NDUFA12: variants seen among roughly 807,000 people sequenced by gnomAD.
NDUFA12 encodes NADH dehydrogenase [ubiquinone] 1 alpha subcomplex subunit 12.
A neutral mutation model predicts 20.3 loss-of-function variants in NDUFA12; 17 were observed. The ratio of observed to expected loss-of-function variants is 0.84; its 90% CI spans 0.57 to 1.26. The LOEUF (loss-of-function observed/expected upper bound fraction) is 1.26. Among genes scored for constraint, NDUFA12 ranks in the 50% most tolerant of loss-of-function variants. The pLI, the probability that NDUFA12 is intolerant of heterozygous loss-of-function variation, is 0.00. For synonymous variants in NDUFA12, 72 were observed against 63.6 expected (o/e 1.13, Z -0.63); for missense variants, 191 against 183.7 (o/e 1.04, Z -0.23).
chr12:94,977,891 G>A (rs1760575082), intron 3 of NDUFA12, among the ~76,000 whole-genome samples: 1 of 152,200 alleles, frequency 6.6e-6, no homozygotes, highest in African/African-American at 2.4e-5. Flanking sequence ...TATGGAGTAT[G>A]AGAGGGAACA....
At chr12:94,987,655 G>T (rs928318071) in intron 3 of NDUFA12, among the ~76,000 whole-genome samples, 1 of 151,868 alleles carries the variant, frequency 6.6e-6, no homozygotes, top group Non-Finnish European at 1.5e-5. Context: ...ACAAAAATTC[G>T]CCAGGTGTAG....
intron 3 of NDUFA12, among the ~76,000 whole-genome samples, chr12:94,981,633 C>T (rs1874242948): frequency 6.6e-6 from 1 of 152,042 alleles, no homozygotes; most frequent in Admixed American, 6.6e-5. Flanking sequence ...AGTATTAGTA[C>T]TAGTATTCAT....
chr12:94,974,616 G>A (rs1268634401), intron 3 of NDUFA12, among the ~76,000 whole-genome samples: 1 of 152,150 alleles, frequency 6.6e-6, no homozygotes, highest in African/African-American at 2.4e-5. Context: ...ACAGATGAAT[G>A]AGTAAAGAAA....
At chr12:94,984,855 G>C (rs1874365539) in intron 3 of NDUFA12, among the ~76,000 whole-genome samples, 1 of 151,166 alleles carries the variant, frequency 6.6e-6, no homozygotes, top group Non-Finnish European at 1.5e-5. Flanking sequence ...GCGCACGCCT[G>C]TAATCCCAGC....
intron 3 of NDUFA12, among the ~76,000 whole-genome samples, chr12:94,987,629 C>A (rs183393259): frequency 6.6e-6 from 1 of 151,752 alleles, no homozygotes; most frequent in African/African-American, 2.4e-5. Context: ...GATGAAACCC[C>A]GTCTCTACTT....
At chr12:94,994,733 A>G (rs1318770753) in intron 2 of NDUFA12, among the ~76,000 whole-genome samples, 1 of 152,254 alleles carries the variant, frequency 6.6e-6, no homozygotes, top group East Asian at 1.9e-4. Context: ...ATTATATACA[A>G]TAAGCAAACA....
At chr12:94,975,200 T>C (rs763115571) in intron 3 of NDUFA12, among the ~76,000 whole-genome samples, 4 of 152,002 alleles carry the variant, frequency 2.6e-5, no homozygotes, top group Non-Finnish European at 4.4e-5. Context: ...TAAAACACTA[T>C]AAACAGGATT....
intron 3 of NDUFA12, chr12:94,972,618 C>G (rs1288402687): frequency 3.3e-6 from 1 of 302,622 alleles, no homozygotes; most frequent in African/African-American, 2.2e-5. Context: ...AATCCCAGCA[C>G]TTTGGGAGGA....
chr12:94,984,901 C>T (rs1874367922), intron 3 of NDUFA12, among the ~76,000 whole-genome samples: 1 of 135,408 alleles, frequency 7.4e-6, no homozygotes, highest in Non-Finnish European at 1.6e-5. Flanking sequence ...TTGCTTGAAC[C>T]TGGGAAGCAG....
At chr12:94,984,335 GC>G (rs1874337363) in intron 3 of NDUFA12, among the ~76,000 whole-genome samples, 1 of 149,840 alleles carries the variant, frequency 6.7e-6, no homozygotes, top group Admixed American at 6.7e-5. Flanking sequence ...TAAAAAACAA[GC>G]AAACGGCCGG....
chr12:94,999,603 A>G (rs1874952134), intron 2 of NDUFA12, among the ~76,000 whole-genome samples: 1 of 152,176 alleles, frequency 6.6e-6, no homozygotes, highest in South Asian at 2.1e-4. Flanking sequence ...ATATCCAGAA[A>G]CTACAAGGAA....
chr12:94,992,877 G>C (rs2136068860), intron 3 of NDUFA12, among the ~76,000 whole-genome samples: 1 of 152,178 alleles, frequency 6.6e-6, no homozygotes, highest in East Asian at 1.9e-4. Flanking sequence ...TATCTTGTCT[G>C]AACTCCTGAC....
chr12:94,993,653 A>AAAAAAAAG (rs1874721375), intron 3 of NDUFA12, among the ~76,000 whole-genome samples: 1 of 111,532 alleles, frequency 9.0e-6, no homozygotes, highest in Non-Finnish European at 1.8e-5. Context: ...AAAAAAAAAA[A>AAAAAAAAG]GCCAGGCACG....
At chr12:94,993,026 T>G (rs1874698096) in intron 3 of NDUFA12, among the ~76,000 whole-genome samples, 1 of 152,194 alleles carries the variant, frequency 6.6e-6, no homozygotes, top group Non-Finnish European at 1.5e-5. Flanking sequence ...AGATATTCAA[T>G]AAATATTTTT....
At chr12:94,973,935 A>T (rs1873974461) in intron 3 of NDUFA12, among the ~76,000 whole-genome samples, 1 of 149,742 alleles carries the variant, frequency 6.7e-6, no homozygotes, top group Non-Finnish European at 1.5e-5. Context: ...TTGCCACACC[A>T]GAGAGTTTTA....
At chr12:94,996,878 C>A in intron 2 of NDUFA12, 2 of 296,794 alleles carry the variant, frequency 6.7e-6, no homozygotes. Context: ...TGTAACAATA[C>A]AGTGAGAAGT....
chr12:94,986,446 A>T (rs1259606958), intron 3 of NDUFA12, among the ~76,000 whole-genome samples: 1 of 152,170 alleles, frequency 6.6e-6, no homozygotes, highest in Non-Finnish European at 1.5e-5. Context: ...AATAATTTTA[A>T]GTGTTTTTAC....
At chr12:94,979,426 C>A (rs1219299622) in intron 3 of NDUFA12, among the ~76,000 whole-genome samples, 1 of 152,098 alleles carries the variant, frequency 6.6e-6, no homozygotes, top group African/African-American at 2.4e-5. Context: ...CAGAAAAAAT[C>A]TTTTAATGGT....
intron 3 of NDUFA12, among the ~76,000 whole-genome samples, chr12:94,985,626 C>CAAAAAAAAAAA (rs35674364): frequency 4.6e-5 from 2 of 43,578 alleles, no homozygotes; most frequent in Non-Finnish European, 8.5e-5. Flanking sequence ...GACTCCATCT[C>CAAAAAAAAAAA]AAAAAAAAAA....
Sources: allele counts gnomAD v4.1 joint callset (sites outside exome capture counted in the v4.1 genomes callset), GRCh38; gene constraint gnomAD v4.1.1; transcripts MANE v1.5; gene names NCBI Gene and HGNC (gene_info 2026-07-23, HGNC 2026-07-21).